Variants in QTMAN observed in about 807,000 individuals in gnomAD.
QTMAN encodes tRNA-queuosine alpha-mannosyltransferase.
chr2:144,003,117 T>C, the QTMAN span, among the ~76,000 whole-genome samples: 1 of 152,084 alleles, frequency 6.6e-6, no homozygotes, highest in South Asian at 2.1e-4. Context: ...ATGTAGATTT[T>C]AAAACTTTTT....
At chr2:143,994,408 A>C in the QTMAN span, among the ~76,000 whole-genome samples, 7 of 152,206 alleles carry the variant, frequency 4.6e-5, no homozygotes, top group Non-Finnish European at 1.0e-4. Context: ...CCCAAAGTGA[A>C]AATATATGTC....
chr2:144,250,773 CCT>C, the QTMAN span, among the ~76,000 whole-genome samples: 1 of 136,848 alleles, frequency 7.3e-6, no homozygotes, highest in Non-Finnish European at 1.6e-5. Context: ...AAAAAAAAAA[CCT>C]GTGCCATGTA....
chr2:144,165,484 A>C, the QTMAN span, among the ~76,000 whole-genome samples: 18 of 152,188 alleles, frequency 1.2e-4, no homozygotes, highest in African/African-American at 4.3e-4. Flanking sequence ...TACTTGGCAT[A>C]TTCACTACCA....
At chr2:143,986,844 G>A in the QTMAN span, among the ~76,000 whole-genome samples, 3 of 152,174 alleles carry the variant, frequency 2.0e-5, no homozygotes, top group Non-Finnish European at 1.5e-5. Context: ...AGACCACTAA[G>A]AGAATGTAAG....
At chr2:144,083,385 C>T in the QTMAN span, among the ~76,000 whole-genome samples, 1 of 152,220 alleles carries the variant, frequency 6.6e-6, no homozygotes, top group Non-Finnish European at 1.5e-5. Context: ...TCCAGACCTC[C>T]TCATCCACCA....
At chr2:144,195,074 C>CT in the QTMAN span, among the ~76,000 whole-genome samples, 30 of 151,898 alleles carry the variant, frequency 2.0e-4, no homozygotes, top group African/African-American at 6.8e-4. Context: ...AAGGTATTAC[C>CT]TTTTTTCCTG....
At chr2:144,012,863 G>C in the QTMAN span, among the ~76,000 whole-genome samples, 2 of 152,152 alleles carry the variant, frequency 1.3e-5, no homozygotes, top group African/African-American at 4.8e-5. Flanking sequence ...CCAGTGAAGA[G>C]ATATGAGGGT....
chr2:144,256,699 G>A, the QTMAN span, among the ~76,000 whole-genome samples: 5 of 151,974 alleles, frequency 3.3e-5, no homozygotes, highest in Admixed American at 1.3e-4. Context: ...GGGGCCCATC[G>A]GCGGGTGGAG....
chr2:144,090,661 A>T, the QTMAN span, among the ~76,000 whole-genome samples: 1 of 152,094 alleles, frequency 6.6e-6, no homozygotes, highest in African/African-American at 2.4e-5. Flanking sequence ...CAAAAGATGT[A>T]TTAAATATAT....
At chr2:144,179,922 T>C in the QTMAN span, among the ~76,000 whole-genome samples, 1 of 152,170 alleles carries the variant, frequency 6.6e-6, no homozygotes, top group South Asian at 2.1e-4. Flanking sequence ...AGAAGAATAA[T>C]GTCATATGGA....
the QTMAN span, among the ~76,000 whole-genome samples, chr2:144,290,121 T>C: frequency 6.6e-6 from 1 of 152,136 alleles, no homozygotes; most frequent in Non-Finnish European, 1.5e-5. Flanking sequence ...TTACTTTTTT[T>C]TTTTTCTGTT....
chr2:144,050,620 A>G, the QTMAN span, among the ~76,000 whole-genome samples: 9 of 152,180 alleles, frequency 5.9e-5, no homozygotes, highest in African/African-American at 2.2e-4. Flanking sequence ...ATTTTTTTCT[A>G]AATTCATTTT....
the QTMAN span, among the ~76,000 whole-genome samples, chr2:143,997,885 TCC>T: frequency 2.0e-5 from 3 of 152,082 alleles, no homozygotes; most frequent in Non-Finnish European, 2.9e-5. Flanking sequence ...GACCTAGTTC[TCC>T]TAATGAGGAA....
the QTMAN span, among the ~76,000 whole-genome samples, chr2:144,021,940 T>A: frequency 6.6e-6 from 1 of 151,734 alleles, no homozygotes; most frequent in Non-Finnish European, 1.5e-5. Flanking sequence ...AGTCAACAGA[T>A]CTCTCACATT....
chr2:144,051,769 A>G, the QTMAN span, among the ~76,000 whole-genome samples: 1 of 152,154 alleles, frequency 6.6e-6, no homozygotes, highest in East Asian at 1.9e-4. Flanking sequence ...GGAGAGCAGG[A>G]AGGATCTGAA....
At chr2:143,997,866 C>T in the QTMAN span, among the ~76,000 whole-genome samples, 5 of 152,014 alleles carry the variant, frequency 3.3e-5, no homozygotes, top group Non-Finnish European at 7.4e-5. Context: ...GCCTTGATTT[C>T]CCAGTAATGA....
chr2:144,062,908 AACCAGTTCCTGT>A, the QTMAN span, among the ~76,000 whole-genome samples: 1 of 152,154 alleles, frequency 6.6e-6, no homozygotes, highest in Non-Finnish European at 1.5e-5. Flanking sequence ...ACCTGACCAG[AACCAGTTCCTGT>A]ACCCTCCCCT....
the QTMAN span, among the ~76,000 whole-genome samples, chr2:144,200,976 C>T: frequency 6.6e-6 from 1 of 152,104 alleles, no homozygotes; most frequent in African/African-American, 2.4e-5. Context: ...ATAACTCATT[C>T]CTTCGACCAC....
chr2:143,970,913 C>T, the QTMAN span: 1 of 615,966 alleles, frequency 1.6e-6, no homozygotes. Context: ...CCTATAACTT[C>T]ACACTATAGC....
Sources: allele counts gnomAD v4.1 joint callset (sites outside exome capture counted in the v4.1 genomes callset), GRCh38; gene constraint gnomAD v4.1.1; transcripts MANE v1.5; gene names NCBI Gene and HGNC (gene_info 2026-07-23, HGNC 2026-07-21).